SHISA6: variants seen among roughly 807,000 people sequenced by gnomAD.
The protein encoded by SHISA6 is shisa family member 6.
SHISA6 carries 22 observed loss-of-function variants against 47.9 expected under a neutral mutation model. That is an observed-to-expected ratio of 0.46 (90% confidence interval 0.33 to 0.66). The LOEUF is 0.66. Ranked by LOEUF, SHISA6 falls within the 30% of genes least tolerant of loss-of-function variation. The pLI, the probability that SHISA6 is intolerant of heterozygous loss-of-function variation, is 0.02. For synonymous variants in SHISA6, 388 were observed against 337.8 expected, an observed-to-expected ratio of 1.15 and a Z score of -1.63; for missense variants, 680 against 764.6, an observed-to-expected ratio of 0.89 and a Z score of 1.30.
chr17:11,397,929 C>T (rs527799745), intron 3 of SHISA6, among the ~76,000 whole-genome samples: 19 of 152,042 alleles, frequency 1.2e-4, no homozygotes, highest in Non-Finnish European at 2.5e-4. Context: ...CTCATTTTGT[C>T]TTTTTCTTTC....
At chr17:11,377,471 G>A (rs929060008) in intron 2 of SHISA6, among the ~76,000 whole-genome samples, 4 of 152,164 alleles carry the variant, frequency 2.6e-5, no homozygotes, top group East Asian at 1.9e-4. Flanking sequence ...AGCGGCATCC[G>A]CATCACCAGG....
chr17:11,313,811 G>C (rs988018513), intron 2 of SHISA6, among the ~76,000 whole-genome samples: 14 of 152,114 alleles, frequency 9.2e-5, no homozygotes, highest in African/African-American at 3.4e-4. Flanking sequence ...TCAAGAGCCT[G>C]GTGATGCTGG....
rs74672616 is a variant in SHISA6 at position 11,554,387 on chromosome 17, G to A, written c.953-1353G>A. ...CCTGGCTCAGTCCCCAGTGTTGGGGGTGACAATGAAGGCAGGAAGGGGTAG... is the reference window on the plus strand; with the variant it reads ...CCTGGCTCAGTCCCCAGTGTTGGGGATGACAATGAAGGCAGGAAGGGGTAG... On this transcript the variant is annotated intron_variant, in intron 4 of 5. Coordinates refer to ENST00000441885, the MANE Select transcript of SHISA6 (RefSeq NM_207386.4). Among the ~76,000 whole-genome samples the A allele has an allele frequency of 4.5e-3, 688 of 152,224 alleles. 5 individuals are homozygous for A. The highest frequency in any genetic ancestry group is 7.6e-3 in the Admixed American group (116 of 15,306).
At chr17:11,324,366 G>A (rs1274376341) in intron 2 of SHISA6, among the ~76,000 whole-genome samples, 8 of 152,170 alleles carry the variant, frequency 5.3e-5, no homozygotes, top group African/African-American at 1.7e-4. Flanking sequence ...GAAGGAACTC[G>A]TATTTATTTG....
intron 2 of SHISA6, among the ~76,000 whole-genome samples, chr17:11,320,762 A>G (rs5012275): frequency 0.047 from 7,195 of 152,260 alleles, 534 homozygotes; most frequent in African/African-American, 0.16. Flanking sequence ...ATCTGTGAGA[A>G]GCACTCATTT....
At chr17:11,464,950 A>AAC (rs1014217538) in intron 3 of SHISA6, among the ~76,000 whole-genome samples, 2 of 151,970 alleles carry the variant, frequency 1.3e-5, no homozygotes, top group African/African-American at 4.8e-5. Flanking sequence ...AAAAAAAAAA[A>AAC]AAAACCCTTT....
chr17:11,391,283 A>G (rs1913379663), intron 3 of SHISA6, among the ~76,000 whole-genome samples: 1 of 152,172 alleles, frequency 6.6e-6, no homozygotes, highest in Admixed American at 6.5e-5. Context: ...CGATGGGGCT[A>G]TAGGACACCT....
At position 11,379,533 on chromosome 17, in the gene SHISA6, T is replaced by C. The variant is rs973954333; in HGVS notation, c.895+24T>C. ...GGGTACAGTGGAAACCATTTTTTAC[T>C]AAAATACAGAGGTTGCCTAGGGAAC... On this transcript the variant is annotated intron_variant, in intron 3 of 5. Coordinates refer to ENST00000441885, the MANE Select transcript of SHISA6 (RefSeq NM_207386.4). The C allele has an allele frequency of 4.0e-6, 6 of 1,486,818 alleles. No homozygotes were observed. In the East Asian group the frequency reaches 1.6e-4, roughly 39 times the overall value. 92.1% of individuals were successfully genotyped at this position (1,486,818 alleles called of 1,614,324 possible). A position where few individuals can be genotyped will look rare whatever the true frequency, so the allele number is the denominator to read the frequency against.
At chr17:11,492,905 T>C (rs909579382) in intron 3 of SHISA6, among the ~76,000 whole-genome samples, 26 of 152,210 alleles carry the variant, frequency 1.7e-4, no homozygotes, top group African/African-American at 6.3e-4. Flanking sequence ...GCTCCTCTCT[T>C]CCCCTCCCCT....
At chr17:11,429,478 C>G (rs2908954) in intron 3 of SHISA6, among the ~76,000 whole-genome samples, 26,059 of 151,924 alleles carry the variant, frequency 0.17, 2,426 homozygotes, top group African/African-American at 0.24. Context: ...GAACTTTTTA[C>G]CCATTAAAAT....
intron 3 of SHISA6, among the ~76,000 whole-genome samples, chr17:11,528,254 AT>A (rs1381577745): frequency 2.0e-5 from 3 of 152,276 alleles, no homozygotes; most frequent in Non-Finnish European, 4.4e-5. Context: ...GACAGCTAAT[AT>A]TTTCTAAGGT....
chr17:11,496,609 G>T (rs1359113290), intron 3 of SHISA6, among the ~76,000 whole-genome samples: 1 of 152,062 alleles, frequency 6.6e-6, no homozygotes, highest in Non-Finnish European at 1.5e-5. Context: ...CCTGGTGGCA[G>T]GCGCCTGTAA....
chr17:11,420,762 A>G (rs1914429731), intron 3 of SHISA6, among the ~76,000 whole-genome samples: 1 of 152,204 alleles, frequency 6.6e-6, no homozygotes, highest in Non-Finnish European at 1.5e-5. Context: ...CTTGCCTTAT[A>G]GCGACATTGG....
At chr17:11,467,336 A>C (rs982274982) in intron 3 of SHISA6, among the ~76,000 whole-genome samples, 9 of 152,114 alleles carry the variant, frequency 5.9e-5, no homozygotes, top group South Asian at 2.1e-4. Flanking sequence ...ACCACCACCA[A>C]CACCACCCTC....
intron 3 of SHISA6, among the ~76,000 whole-genome samples, chr17:11,418,300 A>G (rs1246708419): frequency 6.6e-6 from 1 of 152,152 alleles, no homozygotes; most frequent in African/African-American, 2.4e-5. Flanking sequence ...ATACAGGGTA[A>G]GTCATGTTAT....
At chr17:11,525,687 A>C (rs1342693344) in intron 3 of SHISA6, among the ~76,000 whole-genome samples, 1 of 149,802 alleles carries the variant, frequency 6.7e-6, no homozygotes, top group Non-Finnish European at 1.5e-5. Flanking sequence ...AAACAAGATT[A>C]TCACAAATGA....
At chr17:11,381,583 G>A (rs1428846068) in intron 3 of SHISA6, among the ~76,000 whole-genome samples, 2 of 152,188 alleles carry the variant, frequency 1.3e-5, no homozygotes, top group African/African-American at 4.8e-5. Context: ...GGATAAAAGA[G>A]GACCAGAGTG....
chr17:11,300,915 T>C lies in SHISA6; in HGVS notation c.799+37389T>C, dbSNP rs143843477. Among the ~76,000 whole-genome samples the C allele has an allele frequency of 4.7e-3, 713 of 150,440 alleles. 1 individual carries two copies. Among genetic ancestry groups the C allele is most frequent in the Non-Finnish European group, 7.4e-3 (504 of 67,688 alleles). On this transcript the variant is annotated intron_variant, in intron 2 of 5. Transcript: ENST00000441885. ...GTGCTTCAAGAACATACTGTAATTGTTCAGCCCTGTATGGGGTGGGGGGAG... is the reference window on the plus strand; with the variant it reads ...GTGCTTCAAGAACATACTGTAATTGCTCAGCCCTGTATGGGGTGGGGGGAG...
At chr17:11,301,852 C>T (rs938825007) in intron 2 of SHISA6, among the ~76,000 whole-genome samples, 31 of 152,094 alleles carry the variant, frequency 2.0e-4, no homozygotes, top group African/African-American at 6.3e-4. Context: ...TGTATTCGTC[C>T]GTTTTCATAC....
Sources: gnomAD v4.1 joint callset for allele counts (sites outside exome capture counted in the v4.1 genomes callset) on GRCh38, gnomAD v4.1.1 for gene constraint, MANE v1.5 for transcripts, NCBI Gene and HGNC (gene_info 2026-07-23, HGNC 2026-07-21) for gene names.